The following ZC3H12D variants were observed in gnomAD, a reference collection of about 807,000 sequenced individuals.
ZC3H12D encodes the protein probable ribonuclease ZC3H12D.
A neutral mutation model predicts 24.2 loss-of-function variants in ZC3H12D; 11 were observed. That is an observed-to-expected ratio of 0.46 (90% CI 0.29 to 0.75). ZC3H12D has a LOEUF of 0.75. Ranked by LOEUF, ZC3H12D falls within the 30% of genes least tolerant of loss-of-function variation. ZC3H12D has a pLI of 0.11. For synonymous variants in ZC3H12D, 333 were observed against 341.8 expected (o/e 0.97, Z 0.28); for missense variants, 740 against 767.7 (o/e 0.96, Z 0.43).
chr6:149,483,861 G>A (rs551836072), intron 1 of ZC3H12D, among the ~76,000 whole-genome samples: 135 of 152,228 alleles, frequency 8.9e-4, no homozygotes, highest in Non-Finnish European at 1.5e-3. Context: ...AATTTCTCTC[G>A]TTTTTAAGGC....
At position 149,474,314 on chromosome 6, in the gene ZC3H12D, G is replaced by A. The variant is rs775446289; in HGVS notation, c.230C>T (p.Ala77Val). The A allele has an allele frequency of 1.3e-6, 2 of 1,590,004 alleles. No individual in the cohort carries two copies. Among genetic ancestry groups the A allele is most frequent in the South Asian group, 2.2e-5 (2 of 89,712 alleles). The change falls in exon 2 of 6, where the codon GCC (alanine) becomes GTC (valine). Residue 77 changes from alanine to valine, a missense_variant. Physicochemically the swap from Ala to Val is moderately conservative, Grantham distance 64. Transcript: ENST00000409806. ...PDSAQRGPGT[A>V]LEEDFRTLAS... ...CAGGGTTCTGAAGTCCTCTTCCAGGGCTGTCCCCGGGCCACGCTGGGCAGA... is the reference window on the plus strand; with the variant it reads ...CAGGGTTCTGAAGTCCTCTTCCAGGACTGTCCCCGGGCCACGCTGGGCAGA...
chr6:149,456,663 T>C lies in ZC3H12D; in HGVS notation c.680+3A>G, dbSNP rs1489451808. The C allele has an allele frequency of 1.6e-6, 2 of 1,216,690 alleles. No individual in the cohort carries two copies. 75.4% of individuals were successfully genotyped at this position (1,216,690 alleles called of 1,614,324 possible). A position where few individuals can be genotyped will look rare whatever the true frequency, so the allele number is the denominator to read the frequency against. On this transcript the variant is annotated splice_donor_region_variant and intron_variant, in intron 4 of 5. Transcript: ENST00000409806. This position sits in a 1 kb window ranked among gnomAD's most constrained non-coding sequence, Gnocchi z 4.3. ...AGGGTGTCAGGACCCCAGCCGGACCTACCGGTCGTTGACGAAGGAGAACAT... is the reference window on the plus strand; with the variant it reads ...AGGGTGTCAGGACCCCAGCCGGACCCACCGGTCGTTGACGAAGGAGAACAT...
At chr6:149,467,933 G>A (rs1196172062) in intron 2 of ZC3H12D, among the ~76,000 whole-genome samples, 1 of 152,152 alleles carries the variant, frequency 6.6e-6, no homozygotes, top group Non-Finnish European at 1.5e-5. Flanking sequence ...GCAGCAAGCC[G>A]AGAGCCAGGC....
At chr6:149,469,184 G>A (rs184047483) in intron 2 of ZC3H12D, among the ~76,000 whole-genome samples, 2,721 of 152,290 alleles carry the variant, frequency 0.018, 76 homozygotes, top group African/African-American at 0.061. Flanking sequence ...TCAGCCGGGA[G>A]CGATGGCTCA....
intron 1 of ZC3H12D, among the ~76,000 whole-genome samples, 174 bp downstream of exon 1, chr6:149,484,639 A>G (rs1275914337): frequency 6.6e-6 from 1 of 152,228 alleles, no homozygotes; most frequent in East Asian, 1.9e-4. Context: ...AGCACTTAAA[A>G]TAATTTAGAG....
chr6:149,465,629 C>T (rs1776145986), intron 2 of ZC3H12D, among the ~76,000 whole-genome samples: 2 of 152,010 alleles, frequency 1.3e-5, no homozygotes, highest in South Asian at 4.2e-4. Flanking sequence ...ATGGCATGCA[C>T]ATGTAGTTCC....
Position 149,458,128 on chromosome 6 carries a change from C to CTTTTTTTTTTTTTTTTTTTTTTTT in ZC3H12D, c.446-1252_446-1229dup, listed in dbSNP as rs1189920889. 7.8e-4 allele frequency among the ~76,000 whole-genome samples: 31 copies of CTTTTTTTTTTTTTTTTTTTTTTTT among 39,762 alleles called. 1 individual carries two copies. The highest frequency in any genetic ancestry group is 2.3e-3 in the East Asian group (3 of 1,316). 26.1% of individuals were successfully genotyped at this position (39,762 alleles called of 152,430 possible). A position where few individuals can be genotyped will look rare whatever the true frequency, so the allele number is the denominator to read the frequency against. ...TTCTTTTTCTTTTTTTTTTTCGTTTCTTTTTTTTTTTTTTTTTTTTTTTTT... is the reference window on the plus strand; with the variant it reads ...TTCTTTTTCTTTTTTTTTTTCGTTTCTTTTTTTTTTTTTTTTTTTTTTTTTTTTTTTTTTTTTTTTTTTTTTTTT... On this transcript the variant is annotated intron_variant, in intron 3 of 5. Coordinates refer to ENST00000409806, the MANE Select transcript of ZC3H12D (RefSeq NM_207360.3).
chr6:149,450,425 C>A lies in ZC3H12D; in HGVS notation c.*258G>T. ...CTACTGCAGCTTGGACCCGCAGTCT[C>A]CGTGCACATGGAAAATCATTCCCTC... On this transcript the variant is annotated 3_prime_UTR_variant, in exon 6 of 6. Coordinates refer to ENST00000409806, the MANE Select transcript of ZC3H12D (RefSeq NM_207360.3). 1 of 479,034 alleles carries A rather than the reference C, an allele frequency of 2.1e-6. No homozygotes were observed. Among genetic ancestry groups the A allele is most frequent in the Non-Finnish European group, 3.7e-6 (1 of 270,974 alleles). 29.7% of individuals were successfully genotyped at this position (479,034 alleles called of 1,614,324 possible).
chr6:149,483,356 C>G (rs1199175377), intron 1 of ZC3H12D, among the ~76,000 whole-genome samples: 2 of 152,070 alleles, frequency 1.3e-5, no homozygotes, highest in Non-Finnish European at 2.9e-5. Context: ...AAATGTACCA[C>G]TGTAACTATC....
chr6:149,451,201 C>A lies in ZC3H12D; in HGVS notation c.1066G>T (p.Gly356Trp). The change falls in exon 6 of 6, where the codon GGG (glycine) becomes TGG (tryptophan). Residue 356 changes from glycine (G) to tryptophan (W), a missense_variant. Physicochemically the swap from Gly to Trp is radical, Grantham distance 184. Coordinates refer to ENST00000409806, the MANE Select transcript of ZC3H12D (RefSeq NM_207360.3). ...ACCGGGAGAGGCGGCCCCAGGGGCC[C>A]CAGGTCGTCGCTGAAGGCCAGCCGA... ...FSRLAFSDDL[G>W]PLGPPLPVPA... The A allele has an allele frequency of 7.6e-7, 1 of 1,309,800 alleles. No individual in the cohort carries two copies. The highest frequency in any genetic ancestry group is 9.7e-7 in the Non-Finnish European group (1 of 1,035,538). 81.1% of individuals were successfully genotyped at this position (1,309,800 alleles called of 1,614,324 possible). A position where few individuals can be genotyped will look rare whatever the true frequency, so the allele number is the denominator to read the frequency against.
intron 2 of ZC3H12D, among the ~76,000 whole-genome samples, chr6:149,464,619 G>A (rs378991): frequency 0.36 from 55,336 of 151,984 alleles, 10,607 homozygotes; most frequent in African/African-American, 0.46. Context: ...TCTTTAAACC[G>A]TGGGCTCCTC....
At position 149,456,616 on chromosome 6, in the gene ZC3H12D, G is replaced by GGTGAGGACCC; in HGVS notation, c.680+49_680+50insGGGTCCTCAC. 8.8e-7 allele frequency: 1 copy of GGTGAGGACCC among 1,130,406 alleles called. No individual in the cohort carries two copies. The highest frequency in any genetic ancestry group is 1.3e-6 in the Non-Finnish European group (1 of 763,262). The allele number at this position is 1,130,406 out of a possible 1,614,324, so 70.0% of individuals were successfully genotyped here. On this transcript the variant is annotated intron_variant, in intron 4 of 5. Transcript: ENST00000409806. The surrounding 1 kb of genome is among the most constrained non-coding windows in gnomAD (Gnocchi z 4.3). ...AGGCGTGGCCACTGCCTCGACCCCGGCCCCCCGCCCCGCCGCCCCCCAGGG... is the reference window on the plus strand; with the variant it reads ...AGGCGTGGCCACTGCCTCGACCCCGGGTGAGGACCCCCCCCCGCCCCGCCGCCCCCCAGGG...
At chr6:149,467,874 A>G (rs1776184849) in intron 2 of ZC3H12D, among the ~76,000 whole-genome samples, 1 of 152,224 alleles carries the variant, frequency 6.6e-6, no homozygotes, top group African/African-American at 2.4e-5. Context: ...CATGCTTAGA[A>G]AAGGCACCTC....
Position 149,474,332 on chromosome 6 carries a change from T to C in ZC3H12D, c.212A>G (p.Gln71Arg). 1 of 1,600,378 alleles carries C rather than the reference T, an allele frequency of 6.2e-7. No homozygotes were observed. The highest frequency in any genetic ancestry group is 8.5e-7 in the Non-Finnish European group (1 of 1,170,210). Residue 71 changes from glutamine to arginine, a missense_variant, in exon 2 of 6, where the codon CAG becomes CGG. Physicochemically the swap from Gln to Arg is conservative, Grantham distance 43. Coordinates refer to ENST00000409806, the MANE Select transcript of ZC3H12D (RefSeq NM_207360.3). ...RGSCGVPDSAQRGPGTALEED... is the reference protein window; with the variant it reads ...RGSCGVPDSARRGPGTALEED... ...TTCCAGGGCTGTCCCCGGGCCACGC[T>C]GGGCAGAGTCCGGGACCCCACAGGA...
Position 149,461,851 on chromosome 6 carries a change from C to G in ZC3H12D, c.425G>C (p.Arg142Thr). The change falls in exon 3 of 6, where the codon AGA becomes ACA. Residue 142 changes from arginine (R) to threonine (T), a missense_variant. Transcript: ENST00000409806. ...CATACCTCTGATAGGGGTGTCAGCT[C>G]TTGGTGGGTCCTTCCTCCAGGATGG... ...FVPSWRKDPP[R>T]ADTPIREQHV... 6.4e-7 allele frequency: 1 copy of G among 1,567,156 alleles called. No homozygotes were observed. The highest frequency in any genetic ancestry group is 1.2e-5 in the South Asian group (1 of 84,970).
At chr6:149,464,662 C>T (rs1381050725) in intron 2 of ZC3H12D, among the ~76,000 whole-genome samples, 6 of 152,272 alleles carry the variant, frequency 3.9e-5, no homozygotes, top group Middle Eastern at 3.4e-3. Context: ...TGCCCAGCAT[C>T]GTGTCTAATA....
rs773818500 is a variant in ZC3H12D, at chr6:149,450,708, G to C, written c.1559C>G (p.Ala520Gly). The C allele has an allele frequency of 2.0e-6, 3 of 1,537,934 alleles. No homozygotes were observed. Among genetic ancestry groups the C allele is most frequent in the Non-Finnish European group, 1.8e-6 (2 of 1,139,984 alleles). Residue 520 changes from alanine to glycine, a missense_variant, in exon 6 of 6, where the codon GCG becomes GGG. Physicochemically the swap from Ala to Gly is moderately conservative, Grantham distance 60 (BLOSUM62 0). Transcript: ENST00000409806. The stretch of plus-strand genomic sequence containing the variant: ...TTAGGGCTTGCCCAGGGGCGCCCCC[G>C]CGCTCTGGCATCTCTGTACCAGGAG... The part of the protein sequence containing the change: ...LILLVQRCQS[A>G]GAPLGKP
chr6:149,479,517 C>A (rs760901931), intron 1 of ZC3H12D, among the ~76,000 whole-genome samples: 10 of 152,132 alleles, frequency 6.6e-5, no homozygotes, highest in Non-Finnish European at 1.3e-4. Context: ...CACCCCGGAG[C>A]CTACAGACAG....
At position 149,474,446 on chromosome 6, in the gene ZC3H12D, A is replaced by C; in HGVS notation, c.98T>G (p.Val33Gly). ...VLGKLGEGALVNDVLQELIRT... is the reference protein window; with the variant it reads ...VLGKLGEGALGNDVLQELIRT... ...GATAAGCTCCTGCAGCACGTCGTTG[A>C]CCAGGGCGCCCTCGCCCAGCTTGCC... The change falls in exon 2 of 6, where the codon GTC (valine) becomes GGC (glycine). Residue 33 changes from valine to glycine, a missense_variant. Coordinates refer to ENST00000409806, the MANE Select transcript of ZC3H12D (RefSeq NM_207360.3). 1 of 1,602,852 alleles carries C rather than the reference A, an allele frequency of 6.2e-7. No individual in the cohort carries two copies. The highest frequency in any genetic ancestry group is 8.5e-7 in the Non-Finnish European group (1 of 1,171,666).
Sources: allele counts gnomAD v4.1 joint callset (sites outside exome capture counted in the v4.1 genomes callset), GRCh38; gene constraint gnomAD v4.1.1; non-coding constraint Gnocchi (gnomAD v3.1); transcripts MANE v1.5; gene names NCBI Gene and HGNC (gene_info 2026-07-23, HGNC 2026-07-21).